The following TCERG1L variants were observed in gnomAD, a reference collection of about 807,000 sequenced individuals.
The protein encoded by TCERG1L is transcription elongation regulator 1-like protein.
In TCERG1L, 37 loss-of-function variants were observed where a neutral mutation model predicts 56.3. That is an observed-to-expected ratio of 0.66 (90% CI 0.51 to 0.87). The LOEUF (loss-of-function observed/expected upper bound fraction) is 0.87. TCERG1L is among the 40% of genes least tolerant of loss of function. The pLI is 0.00. For missense variants in TCERG1L, 799 were observed against 774.2 expected (o/e 1.03, Z -0.38); for synonymous variants, 324 against 326.3 (o/e 0.99, Z 0.08).
chr10:131,121,767 G>T (rs1845516134), intron 8 of TCERG1L, among the ~76,000 whole-genome samples: 2 of 137,726 alleles, frequency 1.5e-5, no homozygotes, highest in South Asian at 4.8e-4. Context: ...CAGGTGCCAG[G>T]TCGCCCAGCT....
At chr10:131,110,553 C>T (rs897687086) in intron 9 of TCERG1L, among the ~76,000 whole-genome samples, 1 of 152,236 alleles carries the variant, frequency 6.6e-6, no homozygotes, top group Non-Finnish European at 1.5e-5. Flanking sequence ...ACGGCCCGAG[C>T]CCAGCACTGT....
intron 4 of TCERG1L, among the ~76,000 whole-genome samples, chr10:131,229,058 C>T (rs1163978387): frequency 1.0e-5 from 1 of 96,892 alleles, no homozygotes; most frequent in African/African-American, 4.3e-5. Flanking sequence ...TCACGAGTCT[C>T]CCCTCCAGAC....
chr10:131,159,333 T>G (rs1181309288), intron 6 of TCERG1L, among the ~76,000 whole-genome samples: 1 of 152,294 alleles, frequency 6.6e-6, no homozygotes, highest in Non-Finnish European at 1.5e-5. Flanking sequence ...TGGGCTGTTG[T>G]GCCTCTGGCA....
intron 4 of TCERG1L, among the ~76,000 whole-genome samples, chr10:131,212,710 T>C (rs1341769945): frequency 6.6e-6 from 1 of 152,276 alleles, no homozygotes; most frequent in African/African-American, 2.4e-5. Flanking sequence ...AAATTAGTTC[T>C]ATTTGTGAGT....
chr10:131,287,455 A>C (rs1489206400), intron 3 of TCERG1L, among the ~76,000 whole-genome samples: 1 of 152,220 alleles, frequency 6.6e-6, no homozygotes, highest in Non-Finnish European at 1.5e-5. Context: ...TTATGTTGGT[A>C]AATACAAATC....
At chr10:131,191,232 T>C (rs562654699) in intron 4 of TCERG1L, among the ~76,000 whole-genome samples, 3 of 144,220 alleles carry the variant, frequency 2.1e-5, no homozygotes, top group African/African-American at 7.8e-5. Context: ...AAATCATAGA[T>C]GACTCAAACT....
chr10:131,306,195 C>T (rs910737958), intron 3 of TCERG1L, among the ~76,000 whole-genome samples: 1 of 152,124 alleles, frequency 6.6e-6, no homozygotes, highest in African/African-American at 2.4e-5. Context: ...CCCTTAGATG[C>T]TTTCTTTGGC....
In TCERG1L at chr10:131,098,423, A is replaced by G; in HGVS notation, c.1487T>C (p.Ile496Thr). 6.5e-7 allele frequency: 1 copy of G among 1,542,494 alleles called. No individual in the cohort carries two copies. The highest frequency in any genetic ancestry group is 1.2e-5 in the South Asian group (1 of 82,056). The part of the protein sequence containing the change: ...LLLNSEERKQ[I>T]FEQFVKTRIK... ...TCTTGTCTTGACAAACTGTTCAAAT[A>G]TCTTAAAACACAGATACAGAAGAAA... The change falls in exon 11 of 12, where the codon ATA becomes ACA. Residue 496 changes from isoleucine (I) to threonine (T), a missense_variant and splice_region_variant. Transcript: ENST00000368642.
rs200331758 is a variant in TCERG1L, at chr10:131,256,978, AAGG to A, written c.856+3278_856+3280del. On this transcript the variant is annotated intron_variant, in intron 4 of 11. Coordinates refer to ENST00000368642, the MANE Select transcript of TCERG1L (RefSeq NM_174937.4). ...GAAGGAAGGAAGGAAGGAAGGAAGG[AAGG>A]AAGGAAGGAAGGAAAGAAAGAAAGA... 8.6e-3 allele frequency among the ~76,000 whole-genome samples: 687 copies of A among 79,608 alleles called. 6 individuals are homozygous for A. The highest frequency in any genetic ancestry group is 0.045 in the East Asian group (149 of 3,282). 52.2% of individuals were successfully genotyped at this position (79,608 alleles called of 152,430 possible). A position where few individuals can be genotyped will look rare whatever the true frequency, so the allele number is the denominator to read the frequency against.
At chr10:131,241,003 C>A (rs576239470) in intron 4 of TCERG1L, among the ~76,000 whole-genome samples, 1 of 152,308 alleles carries the variant, frequency 6.6e-6, no homozygotes, top group East Asian at 1.9e-4. Flanking sequence ...CGGGAAAGCA[C>A]GGCCAAGGTC....
intron 4 of TCERG1L, among the ~76,000 whole-genome samples, chr10:131,171,089 G>C (rs1332073414): frequency 6.6e-6 from 1 of 151,666 alleles, no homozygotes; most frequent in Non-Finnish European, 1.5e-5. Flanking sequence ...AGGTTGCAGT[G>C]AGCTGAGATC....
chr10:131,170,682 C>A (rs1187456609), intron 4 of TCERG1L, among the ~76,000 whole-genome samples: 1 of 152,164 alleles, frequency 6.6e-6, no homozygotes, highest in Non-Finnish European at 1.5e-5. Context: ...CTTATAGAGT[C>A]CAGCACGACC....
chr10:131,246,247 C>T (rs1001255839), intron 4 of TCERG1L, among the ~76,000 whole-genome samples: 7 of 152,134 alleles, frequency 4.6e-5, no homozygotes, highest in South Asian at 2.1e-4. Flanking sequence ...GGGGGTGGCA[C>T]GAGCTGAGTG....
intron 4 of TCERG1L, among the ~76,000 whole-genome samples, chr10:131,201,754 C>T (rs560645199): frequency 3.3e-5 from 5 of 152,288 alleles, no homozygotes; most frequent in South Asian, 4.1e-4. Context: ...TGTCCTCATG[C>T]GTCCTTCTCT....
chr10:131,098,413 C>G lies in TCERG1L; in HGVS notation c.1497G>C (p.Gln499His). The G allele has an allele frequency of 6.5e-7, 1 of 1,546,966 alleles. No homozygotes were observed. Residue 499 changes from glutamine (Q) to histidine (H), a missense_variant, in exon 11 of 12, where the codon CAG (glutamine) becomes CAC (histidine). Physicochemically the swap from Gln to His is conservative, Grantham distance 24. Coordinates refer to ENST00000368642, the MANE Select transcript of TCERG1L (RefSeq NM_174937.4). ...CTTCTTTTATTCTTGTCTTGACAAA[C>G]TGTTCAAATATCTTAAAACACAGAT... ...NSEERKQIFE[Q>H]FVKTRIKEEY...
intron 3 of TCERG1L, among the ~76,000 whole-genome samples, chr10:131,273,006 A>C (rs1332286381): frequency 6.6e-6 from 1 of 152,098 alleles, no homozygotes; most frequent in African/African-American, 2.4e-5. Flanking sequence ...CTGTCCATGG[A>C]GTGAGGCTTT....
intron 3 of TCERG1L, among the ~76,000 whole-genome samples, chr10:131,272,327 G>T (rs1042941869): frequency 6.6e-6 from 1 of 152,218 alleles, no homozygotes; most frequent in Non-Finnish European, 1.5e-5. Context: ...AACTGCTGTT[G>T]GATGAGGTGG....
intron 4 of TCERG1L, among the ~76,000 whole-genome samples, chr10:131,200,350 G>C (rs972262028): frequency 3.9e-5 from 6 of 152,182 alleles, no homozygotes; most frequent in African/African-American, 1.4e-4. Context: ...CAAGTTCCTG[G>C]CCACTCCACC....
intron 6 of TCERG1L, among the ~76,000 whole-genome samples, chr10:131,157,622 G>A (rs1727584561): frequency 6.6e-6 from 1 of 151,982 alleles, no homozygotes; most frequent in South Asian, 2.1e-4. Flanking sequence ...AATTCCGAAG[G>A]AGACTAAAAT....
Sources: gnomAD v4.1 joint callset for allele counts (sites outside exome capture counted in the v4.1 genomes callset) on GRCh38, gnomAD v4.1.1 for gene constraint, MANE v1.5 for transcripts, NCBI Gene and HGNC (gene_info 2026-07-23, HGNC 2026-07-21) for gene names.